Variants in THOC5 observed in about 807,000 individuals in gnomAD.
The protein encoded by THOC5 is Fms-interacting protein.
Under a neutral mutation model 92.9 loss-of-function variants are expected in THOC5, and 43 were observed. The observed-to-expected ratio is 0.46, with a 90% CI of 0.36 to 0.60. The LOEUF (loss-of-function observed/expected upper bound fraction) is 0.60, where lower values mean the gene tolerates loss of function less well. THOC5 is among the 20% of genes least tolerant of loss of function. The probability of loss-of-function intolerance (pLI) is 0.00; values close to 1 mark genes in which losing one functional copy is unlikely to be tolerated. For missense variants in THOC5, 659 were observed against 849.4 expected (o/e 0.78, Z 2.79); for synonymous variants, 296 against 320.1 (o/e 0.92, Z 0.80).
chr22:29,508,428 T>A lies in THOC5; in HGVS notation c.*29A>T, dbSNP rs199551204. On this transcript the variant is annotated 3_prime_UTR_variant, in exon 20 of 20. Transcript: ENST00000490103. The stretch of plus-strand genomic sequence containing the variant: ...GAAGCCCAGTGCTCAGGGTGAGGCC[T>A]TGGGGGAAACAACGGTCTGCGCGGG... 1 of 1,612,062 alleles carries A rather than the reference T, an allele frequency of 6.2e-7. No homozygotes were observed. The highest frequency in any genetic ancestry group is 8.5e-7 in the Non-Finnish European group (1 of 1,178,230).
intron 8 of THOC5, chr22:29,531,515 T>G (rs2063654675): frequency 9.1e-7 from 1 of 1,095,396 alleles, no homozygotes; most frequent in African/African-American, 1.6e-5. Flanking sequence ...CTGATCTAAC[T>G]GCCAAGCGTG....
At chr22:29,546,730 G>A (rs953209165) in intron 2 of THOC5, among the ~76,000 whole-genome samples, 19 of 151,772 alleles carry the variant, frequency 1.3e-4, no homozygotes, top group East Asian at 3.9e-4. Context: ...GTGAGCCACC[G>A]TGCCCAGCCG....
chr22:29,539,439 C>G lies in THOC5; in HGVS notation c.490G>C (p.Glu164Gln). ...TCTGGTGGAGCCTCCTTATAAAACT[C>G]CTCTAAACTGACCAGATCAATTTCT... ...HEEIDLVSLE[E>Q]FYKEAPPDIS... The change falls in exon 6 of 20, where the codon GAG (glutamate) becomes CAG (glutamine). Residue 164 changes from glutamate (E) to glutamine (Q), a missense_variant. By Grantham distance (29) the Glu-to-Gln change is conservative. Coordinates refer to ENST00000490103, the MANE Select transcript of THOC5 (RefSeq NM_003678.5). 6.2e-7 allele frequency: 1 copy of G among 1,614,048 alleles called. No homozygotes were observed. The highest frequency in any genetic ancestry group is 8.5e-7 in the Non-Finnish European group (1 of 1,180,026).
chr22:29,523,841 T>C (rs737977), intron 12 of THOC5, among the ~76,000 whole-genome samples: 68,924 of 152,080 alleles, frequency 0.45, 16,101 homozygotes, highest in East Asian at 0.75. Context: ...AATGATAGTA[T>C]GAGATTCAAG....
At chr22:29,510,148 A>G (rs1050447700) in intron 19 of THOC5, among the ~76,000 whole-genome samples, 3 of 152,184 alleles carry the variant, frequency 2.0e-5, no homozygotes, top group Non-Finnish European at 4.4e-5. Flanking sequence ...GAGAAAGGAA[A>G]AGTAGCTGGA....
At chr22:29,526,115 A>G (rs2063538665) in intron 11 of THOC5, among the ~76,000 whole-genome samples, 169 bp from the exon 12 acceptor site, 3 of 152,178 alleles carry the variant, frequency 2.0e-5, no homozygotes, top group Admixed American at 2.0e-4. Context: ...CCTCAGGACC[A>G]CGCAAAATAG....
intron 8 of THOC5, 72 bp downstream of exon 8, chr22:29,531,759 C>A: frequency 6.4e-7 from 1 of 1,566,728 alleles, no homozygotes; most frequent in Non-Finnish European, 8.7e-7. Flanking sequence ...GCAGGTACTG[C>A]TTCCAACTGA....
chr22:29,531,559 G>T (rs896180081), intron 8 of THOC5: 1 of 1,172,266 alleles, frequency 8.5e-7, no homozygotes. Context: ...AGCCCAGACA[G>T]GCTGCCTGGG....
intron 18 of THOC5, chr22:29,511,507 CCTGCCTCATATGCCCA>C (rs1377550100): frequency 1.8e-6 from 1 of 550,896 alleles, no homozygotes; most frequent in African/African-American, 1.9e-5. Context: ...CATAGCTTTC[CCTGCCTCATATGCCCA>C]CAGCCAGGAA....
intron 19 of THOC5, 102 bp from the exon 20 acceptor site, chr22:29,508,622 A>G (rs2063164895): frequency 4.0e-6 from 4 of 1,002,074 alleles, no homozygotes; most frequent in Non-Finnish European, 6.2e-6. Flanking sequence ...GCAGAGTTAC[A>G]TGACACAGAA....
At chr22:29,551,802 T>TC (rs2064152075) in intron 1 of THOC5, among the ~76,000 whole-genome samples, 1 of 44,264 alleles carries the variant, frequency 2.3e-5, no homozygotes, top group African/African-American at 9.1e-5. Context: ...CCCTCCCCCC[T>TC]CCCCCTCTCT....
chr22:29,520,093 A>G lies in THOC5; in HGVS notation c.1289T>C (p.Leu430Ser). 1 of 1,613,780 alleles carries G rather than the reference A, an allele frequency of 6.2e-7. No individual in the cohort carries two copies. The highest frequency in any genetic ancestry group is 8.5e-7 in the Non-Finnish European group (1 of 1,179,746). ...YQFDKVGILTLSDYVLELGHP... is the reference protein window; with the variant it reads ...YQFDKVGILTSSDYVLELGHP... ...ACCTAGCTCAAGTACATAGTCGCTC[A>G]AAGTCAGGATGCTGCAGAAAAGAAG... is the stretch of plus-strand genomic sequence containing the variant. Residue 430 changes from leucine (L) to serine (S), a missense_variant, in exon 14 of 20, where the codon TTG (leucine) becomes TCG (serine). Coordinates refer to ENST00000490103, the MANE Select transcript of THOC5 (RefSeq NM_003678.5).
chr22:29,528,863 C>T, intron 9 of THOC5: 3 of 507,746 alleles, frequency 5.9e-6, no homozygotes, highest in South Asian at 5.3e-5. Flanking sequence ...ATTTAATCCA[C>T]ATAACAATCC....
chr22:29,529,326 TC>T, intron 8 of THOC5, 87 bp from the exon 9 acceptor site: 1 of 1,372,726 alleles, frequency 7.3e-7, no homozygotes, highest in Non-Finnish European at 1.0e-6. Context: ...GCTGCATTTC[TC>T]CCACCTCTGC....
Position 29,509,281 on chromosome 22 carries a change from AAAAAAAAAAAAG to A in THOC5, c.1989-773_1989-762del, listed in dbSNP as rs1391605788. On this transcript the variant is annotated intron_variant, in intron 19 of 19. Transcript: ENST00000490103. ...ACAGAGTGAGACTCTGTCTCAAAAA[AAAAAAAAAAAAG>A]AAAAAAGAAAAAGAAATGGGTCCTT... 6.3e-3 allele frequency among the ~76,000 whole-genome samples: 949 copies of A among 151,800 alleles called. 13 individuals carry two copies. Among genetic ancestry groups the A allele is most frequent in the African/African-American group, 0.022 (908 of 41,416 alleles).
intron 19 of THOC5, among the ~76,000 whole-genome samples, chr22:29,509,094 A>T (rs1569203960): frequency 6.6e-6 from 1 of 152,048 alleles, no homozygotes; most frequent in Non-Finnish European, 1.5e-5. Flanking sequence ...TACCGGCCAT[A>T]GAGTTAACTG....
At chr22:29,528,577 T>C in intron 9 of THOC5, 111 bp from the exon 10 acceptor site, 1 of 1,027,112 alleles carries the variant, frequency 9.7e-7, no homozygotes, top group Non-Finnish European at 1.5e-6. Flanking sequence ...TGTAAATAAG[T>C]TTCTCTGTAA....
intron 6 of THOC5, among the ~76,000 whole-genome samples, chr22:29,538,826 A>AAAAAC: frequency 6.7e-6 from 1 of 148,574 alleles, no homozygotes; most frequent in African/African-American, 2.5e-5. Flanking sequence ...AAAAAAAAAA[A>AAAAAC]AGGGCCAGGC....
At chr22:29,520,520 G>A (rs1331980162) in intron 13 of THOC5, among the ~76,000 whole-genome samples, 1 of 152,040 alleles carries the variant, frequency 6.6e-6, no homozygotes, top group Non-Finnish European at 1.5e-5. Flanking sequence ...TTGAGACAGG[G>A]TCTGGCTCTG....
Sources: allele counts gnomAD v4.1 joint callset (sites outside exome capture counted in the v4.1 genomes callset), GRCh38; gene constraint gnomAD v4.1.1; transcripts MANE v1.5; gene names NCBI Gene and HGNC (gene_info 2026-07-23, HGNC 2026-07-21).